ATP6V1E2: variants seen among roughly 807,000 people sequenced by gnomAD.
The protein encoded by ATP6V1E2 is ATPase H+ transporting V1 subunit E2.
For synonymous variants in ATP6V1E2, 121 were observed against 104.2 expected, an observed-to-expected ratio of 1.16 and a Z score of -0.98; for missense variants, 308 against 273.3, an observed-to-expected ratio of 1.13 and a Z score of -0.90.
intron 4 of ATP6V1E2, among the ~76,000 whole-genome samples, chr2:46,516,292 C>A (rs1386318840): frequency 6.6e-6 from 1 of 152,186 alleles, no homozygotes; most frequent in East Asian, 1.9e-4. Context: ...TAAAACGAAT[C>A]TCAATAAATT....
intron 4 of ATP6V1E2, among the ~76,000 whole-genome samples, chr2:46,517,698 C>G (rs1160936225): frequency 3.3e-5 from 5 of 152,174 alleles, no homozygotes; most frequent in Non-Finnish European, 5.9e-5. Context: ...AGACATTTCT[C>G]TAAAGAAGAC....
chr2:46,519,373 T>C (rs1158819778), intron 4 of ATP6V1E2: 1 of 152,162 alleles, frequency 6.6e-6, no homozygotes, highest in Non-Finnish European at 1.5e-5. Context: ...TGAAGCCAAA[T>C]CTGAAGGTTG....
intron 4 of ATP6V1E2, among the ~76,000 whole-genome samples, chr2:46,529,623 G>A (rs2103902882): frequency 6.6e-6 from 1 of 152,276 alleles, no homozygotes; most frequent in South Asian, 2.1e-4. Flanking sequence ...AGGCATGATG[G>A]TGTGCACCTA....
intron 4 of ATP6V1E2, among the ~76,000 whole-genome samples, chr2:46,514,404 C>T (rs750125962): frequency 2.6e-5 from 4 of 152,118 alleles, no homozygotes; most frequent in Non-Finnish European, 5.9e-5. Context: ...TTAAAAGGTT[C>T]CCTGGGATGC....
chr2:46,531,812 T>C (rs1476624198), intron 4 of ATP6V1E2, among the ~76,000 whole-genome samples: 1 of 152,232 alleles, frequency 6.6e-6, no homozygotes, highest in African/African-American at 2.4e-5. Context: ...TTTCATGTGC[T>C]TGTTGGTGAT....
At chr2:46,523,143 T>A (rs915666359) in intron 4 of ATP6V1E2, among the ~76,000 whole-genome samples, 3 of 152,212 alleles carry the variant, frequency 2.0e-5, no homozygotes, top group Admixed American at 6.5e-5. Context: ...TAGACCTTTG[T>A]CAGGTGAGTA....
At chr2:46,525,313 T>C (rs1427727230) in intron 4 of ATP6V1E2, among the ~76,000 whole-genome samples, 1 of 151,136 alleles carries the variant, frequency 6.6e-6, no homozygotes, top group African/African-American at 2.4e-5. Context: ...ATTCAAAAAA[T>C]TAGCCGGGCG....
At chr2:46,537,761 G>T (rs1667522504) in intron 2 of ATP6V1E2, among the ~76,000 whole-genome samples, 1 of 152,128 alleles carries the variant, frequency 6.6e-6, no homozygotes, top group Non-Finnish European at 1.5e-5. Context: ...TGATCCCTTG[G>T]AGTCCATTTT....
At chr2:46,528,207 T>C (rs1456061347) in intron 4 of ATP6V1E2, among the ~76,000 whole-genome samples, 2 of 152,364 alleles carry the variant, frequency 1.3e-5, no homozygotes, top group African/African-American at 2.4e-5. Context: ...CAGTTTACAA[T>C]GAAAAATGTA....
intron 2 of ATP6V1E2, among the ~76,000 whole-genome samples, chr2:46,538,547 G>C (rs1313717585): frequency 6.6e-6 from 1 of 151,960 alleles, no homozygotes; most frequent in African/African-American, 2.4e-5. Context: ...GAGAACAGTT[G>C]TGCAACAGGA....
chr2:46,525,737 G>T lies in ATP6V1E2; in HGVS notation c.-102+10076C>A, dbSNP rs150798075. ...TGGAGAAAGCTAATGCCTACAGGCA[G>T]GGGAAGAAACCTTTCTCCCAAAATA... On this transcript the variant is annotated intron_variant, in intron 4 of 4. Coordinates refer to ENST00000522587, the MANE Select transcript of ATP6V1E2 (RefSeq NM_001318063.2). Among the ~76,000 whole-genome samples the T allele has an allele frequency of 1.3e-3, 202 of 152,272 alleles. 5 individuals carry two copies. The East Asian group carries it at 0.019, about 15-fold the overall frequency.
chr2:46,513,491 T>C (rs973748378), intron 4 of ATP6V1E2, among the ~76,000 whole-genome samples: 16 of 152,224 alleles, frequency 1.1e-4, no homozygotes, highest in African/African-American at 3.6e-4. Flanking sequence ...TCTGTCTGCA[T>C]ATTCTATCCA....
intron 4 of ATP6V1E2, among the ~76,000 whole-genome samples, chr2:46,513,516 C>T (rs1687572974): frequency 6.6e-6 from 1 of 152,194 alleles, no homozygotes; most frequent in South Asian, 2.1e-4. Flanking sequence ...CTATTCACTT[C>T]CCCGAAGCTT....
chr2:46,530,217 C>T lies in ATP6V1E2; in HGVS notation c.-102+5596G>A, dbSNP rs530834879. Among the ~76,000 whole-genome samples, 424 of 152,320 alleles carry T rather than the reference C, an allele frequency of 2.8e-3. 2 individuals are homozygous for T. The highest frequency in any genetic ancestry group is 4.7e-3 in the Non-Finnish European group (319 of 68,028). ...CAGCCCCAGGATTCCCTGGTCCCTA[C>T]AGCATGTGAGACACCAGGATGGCGC... On this transcript the variant is annotated intron_variant, in intron 4 of 4. Transcript: ENST00000522587. This position sits in a 1 kb window ranked among gnomAD's most constrained non-coding sequence, Gnocchi z 5.2.
intron 4 of ATP6V1E2, among the ~76,000 whole-genome samples, chr2:46,524,066 T>G (rs539603150): frequency 6.6e-6 from 1 of 151,096 alleles, no homozygotes; most frequent in South Asian, 2.1e-4. Flanking sequence ...ACTTGTGTTT[T>G]TGCACATTGA....
intron 4 of ATP6V1E2, among the ~76,000 whole-genome samples, chr2:46,528,341 G>A (rs908757056): frequency 1.3e-5 from 2 of 152,208 alleles, no homozygotes; most frequent in African/African-American, 4.8e-5. Context: ...ATCTTGGAAG[G>A]TCTCATGTAC....
chr2:46,534,086 G>A (rs529109980), intron 4 of ATP6V1E2, among the ~76,000 whole-genome samples: 1 of 152,012 alleles, frequency 6.6e-6, no homozygotes, highest in Admixed American at 6.5e-5. Flanking sequence ...TGGATTTGTT[G>A]AGCTTCTTGG....
At chr2:46,540,669 T>C (rs1017444307) in intron 2 of ATP6V1E2, among the ~76,000 whole-genome samples, 3 of 150,282 alleles carry the variant, frequency 2.0e-5, no homozygotes, top group Non-Finnish European at 4.4e-5. Context: ...TCTTTGCTCA[T>C]GGGAAAGTGA....
chr2:46,526,354 G>A (rs1446430632), intron 4 of ATP6V1E2, among the ~76,000 whole-genome samples: 1 of 152,118 alleles, frequency 6.6e-6, no homozygotes, highest in Non-Finnish European at 1.5e-5. Flanking sequence ...GACCTTCAGT[G>A]ATCCACCTGC....
Sources: allele counts gnomAD v4.1 joint callset (sites outside exome capture counted in the v4.1 genomes callset), GRCh38; gene constraint gnomAD v4.1.1; non-coding constraint Gnocchi (gnomAD v3.1); transcripts MANE v1.5; gene names NCBI Gene and HGNC (gene_info 2026-07-23, HGNC 2026-07-21).